The following VPS13B variants were observed in gnomAD, a reference collection of about 807,000 sequenced individuals.
The protein encoded by VPS13B is intermembrane lipid transfer protein VPS13B.
A neutral mutation model predicts 426.4 loss-of-function variants in VPS13B; 285 were observed. The ratio of observed to expected loss-of-function variants is 0.67; its 90% CI spans 0.61 to 0.74. The LOEUF (loss-of-function observed/expected upper bound fraction) is 0.74, where lower values mean the gene tolerates loss of function less well. Ranked by LOEUF, VPS13B falls within the 30% of genes least tolerant of loss-of-function variation. The pLI, the probability that VPS13B is intolerant of heterozygous loss-of-function variation, is 0.00. For missense variants in VPS13B, 4,537 were observed against 4,782.6 expected (o/e 0.95, Z 1.51); for synonymous variants, 1,676 against 1,676.4 (o/e 1.00, Z 0.01).
At chr8:99,544,277 C>T (rs187610844) in intron 30 of VPS13B, among the ~76,000 whole-genome samples, 1 of 152,030 alleles carries the variant, frequency 6.6e-6, no homozygotes, top group East Asian at 1.9e-4. Context: ...AACACTTGGA[C>T]ACAGGGTGGG....
chr8:99,420,153 A>T (rs941893201), intron 21 of VPS13B, among the ~76,000 whole-genome samples: 12 of 152,314 alleles, frequency 7.9e-5, no homozygotes, highest in Admixed American at 3.9e-4. Flanking sequence ...TAATTCTAAG[A>T]AGTGCTTACT....
intron 21 of VPS13B, among the ~76,000 whole-genome samples, chr8:99,397,100 C>T (rs1441897094): frequency 6.6e-6 from 1 of 152,072 alleles, no homozygotes; most frequent in African/African-American, 2.4e-5. Context: ...AAGAATCTGT[C>T]TTTGGAGAAT....
chr8:99,024,317 G>T (rs1842038631), intron 2 of VPS13B, among the ~76,000 whole-genome samples: 1 of 152,234 alleles, frequency 6.6e-6, no homozygotes. Context: ...TGAGTTGTTT[G>T]AGTTCCTTGT....
intron 40 of VPS13B, among the ~76,000 whole-genome samples, chr8:99,769,352 C>T (rs1403335750): frequency 6.6e-6 from 1 of 152,126 alleles, no homozygotes; most frequent in East Asian, 1.9e-4. Flanking sequence ...AGAAAGAAAA[C>T]AGTAATGATT....
At chr8:99,869,413 T>C (rs1349578462) in intron 59 of VPS13B, among the ~76,000 whole-genome samples, 1 of 151,306 alleles carries the variant, frequency 6.6e-6, no homozygotes, top group East Asian at 1.9e-4. Flanking sequence ...AGGAAGGGAG[T>C]GGAGATGAAT....
chr8:99,315,335 C>T (rs1455230310), intron 19 of VPS13B, among the ~76,000 whole-genome samples: 1 of 57,802 alleles, frequency 1.7e-5, no homozygotes, highest in Non-Finnish European at 3.7e-5. Flanking sequence ...AATTCTCTCT[C>T]TCTTTTTTTT....
At chr8:99,301,303 T>C (rs1220818036) in intron 19 of VPS13B, among the ~76,000 whole-genome samples, 2 of 151,458 alleles carry the variant, frequency 1.3e-5, no homozygotes, top group Admixed American at 6.6e-5. Flanking sequence ...TTCTTTCTTT[T>C]TTTTTTTTTG....
intron 33 of VPS13B, among the ~76,000 whole-genome samples, chr8:99,592,130 T>A (rs912949352): frequency 3.9e-5 from 6 of 152,094 alleles, no homozygotes; most frequent in African/African-American, 1.2e-4. Context: ...TGTGCATGTG[T>A]CACGTAGCTC....
chr8:99,062,036 C>T lies in VPS13B; in HGVS notation c.291+23470C>T, dbSNP rs567235064. ...TTAGTTGTTAAATACTTCCTTAAGT[C>T]GAAGCTCATGTCTCAACAGTATACT... is the stretch of plus-strand genomic sequence containing the variant. On this transcript the variant is annotated intron_variant, in intron 3 of 61. Coordinates refer to ENST00000357162, the MANE Select transcript of VPS13B (RefSeq NM_152564.5). 3.9e-5 allele frequency among the ~76,000 whole-genome samples: 6 copies of T among 152,218 alleles called. No individual in the cohort carries two copies. In the South Asian group the frequency reaches 6.2e-4, roughly 16 times the overall value.
chr8:99,665,782 G>T (rs1040214159), intron 35 of VPS13B, among the ~76,000 whole-genome samples: 4 of 152,128 alleles, frequency 2.6e-5, no homozygotes, highest in Non-Finnish European at 4.4e-5. Context: ...TTTTGGCTTA[G>T]GATTGACTTG....
At chr8:99,594,734 T>G (rs962300674) in intron 33 of VPS13B, among the ~76,000 whole-genome samples, 3 of 151,932 alleles carry the variant, frequency 2.0e-5, no homozygotes, top group African/African-American at 7.3e-5. Context: ...GTAAATGAGA[T>G]CTTGCTGAAA....
intron 21 of VPS13B, among the ~76,000 whole-genome samples, chr8:99,425,188 A>G (rs543675761): frequency 6.6e-6 from 1 of 152,282 alleles, no homozygotes; most frequent in South Asian, 2.1e-4. Context: ...CAATAGAAAA[A>G]GAGGGAATCC....
At chr8:99,357,971 A>G (rs1812271201) in intron 19 of VPS13B, among the ~76,000 whole-genome samples, 8 of 151,382 alleles carry the variant, frequency 5.3e-5, no homozygotes, top group Admixed American at 2.6e-4. Flanking sequence ...TCATTGGTAA[A>G]ATGGGGATGG....
intron 21 of VPS13B, among the ~76,000 whole-genome samples, chr8:99,398,838 T>C (rs1227841375): frequency 6.6e-6 from 1 of 151,896 alleles, no homozygotes; most frequent in Non-Finnish European, 1.5e-5. Context: ...TGCACTGTTT[T>C]AGAGAATCTA....
intron 39 of VPS13B, among the ~76,000 whole-genome samples, chr8:99,722,331 A>T (rs1459692556): frequency 6.6e-6 from 1 of 152,142 alleles, no homozygotes; most frequent in Non-Finnish European, 1.5e-5. Flanking sequence ...CTTGCGTGTG[A>T]TCTTTCTACT....
At position 99,629,766 on chromosome 8, in the gene VPS13B, TAA is replaced by T. The variant is rs1828762659; in HGVS notation, c.5221-12044_5221-12043del. On this transcript the variant is annotated intron_variant, in intron 33 of 61. Coordinates refer to ENST00000357162, the MANE Select transcript of VPS13B (RefSeq NM_152564.5). Reference sequence around the variant, plus strand: ...GCCATGTCCAGATTCTGAGGTGGAGTAATCAAATAAGATTTCTCTAATTCACC... The same window carrying T: ...GCCATGTCCAGATTCTGAGGTGGAGTTCAAATAAGATTTCTCTAATTCACC... Among the ~76,000 whole-genome samples, 4 of 152,270 alleles carry T rather than the reference TAA, an allele frequency of 2.6e-5. No individual in the cohort carries two copies. In the South Asian group the frequency reaches 8.3e-4, roughly 32 times the overall value.
At position 99,170,156 on chromosome 8, in the gene VPS13B, A is replaced by G. The variant is rs1451756000; in HGVS notation, c.2326A>G (p.Thr776Ala). The change falls in exon 16 of 62, where the codon ACA becomes GCA. Residue 776 changes from threonine to alanine, a missense_variant. Thr to Ala is a moderately conservative substitution (Grantham distance 58, BLOSUM62 0). Transcript: ENST00000357162. The part of the protein sequence containing the change: ...ALYGKLLKLP[T>A]CWTKRSQIAI... Reference sequence around the variant, plus strand: ...TTATGGGAAACTTCTGAAACTCCCCACATGCTGGTAAGTCTTACATGTTAA... The same window carrying G: ...TTATGGGAAACTTCTGAAACTCCCCGCATGCTGGTAAGTCTTACATGTTAA... 2 of 1,612,432 alleles carry G rather than the reference A, an allele frequency of 1.2e-6. No homozygotes were observed. Among genetic ancestry groups the G allele is most frequent in the African/African-American group, 2.7e-5 (2 of 74,880 alleles).
intron 47 of VPS13B, 62 bp downstream of exon 47, chr8:99,818,950 A>G: frequency 1.8e-6 from 1 of 565,940 alleles, no homozygotes; most frequent in Non-Finnish European, 2.7e-6. Flanking sequence ...TAGAAAAGTA[A>G]CCTTGCACTG....
At chr8:99,384,580 C>G (rs1563700392) in intron 20 of VPS13B, among the ~76,000 whole-genome samples, 3 of 148,044 alleles carry the variant, frequency 2.0e-5, no homozygotes, top group Non-Finnish European at 2.9e-5. Flanking sequence ...CCTATTTCAC[C>G]AGTCTTCATT....
Sources: gnomAD v4.1 joint callset for allele counts (sites outside exome capture counted in the v4.1 genomes callset) on GRCh38, gnomAD v4.1.1 for gene constraint, MANE v1.5 for transcripts, NCBI Gene and HGNC (gene_info 2026-07-23, HGNC 2026-07-21) for gene names.